HNF4G: variants seen among roughly 807,000 people sequenced by gnomAD.
HNF4G encodes hepatocyte nuclear factor 4 gamma, also known as hepatocyte nuclear factor 4-gamma.
In HNF4G, 21 loss-of-function variants were observed where a neutral mutation model predicts 50.9. That is an observed-to-expected ratio of 0.41 (90% CI 0.29 to 0.59). The LOEUF (loss-of-function observed/expected upper bound fraction) is 0.59. Among genes scored for constraint, HNF4G ranks in the 20% least tolerant of loss-of-function variants. The pLI, the probability that HNF4G is intolerant of heterozygous loss-of-function variation, is 0.26. For missense variants in HNF4G, 527 were observed against 559.4 expected, an observed-to-expected ratio of 0.94 and a Z score of 0.58; for synonymous variants, 198 against 185.6, an observed-to-expected ratio of 1.07 and a Z score of -0.54.
chr8:75,561,504 G>A (rs368720554), intron 9 of HNF4G, among the ~76,000 whole-genome samples: 4 of 152,162 alleles, frequency 2.6e-5, no homozygotes, highest in South Asian at 2.1e-4. Flanking sequence ...CACAGCCACC[G>A]TATGCAGTTT....
chr8:75,520,339 G>T, intron 2 of HNF4G, among the ~76,000 whole-genome samples: 1 of 151,832 alleles, frequency 6.6e-6, no homozygotes, highest in African/African-American at 2.4e-5. Context: ...AATATTATCT[G>T]CTCTTTTAAT....
At chr8:75,517,612 A>T (rs1416596911) in intron 2 of HNF4G, among the ~76,000 whole-genome samples, 1 of 152,212 alleles carries the variant, frequency 6.6e-6, no homozygotes, top group African/African-American at 2.4e-5. Context: ...CATGTCTCAC[A>T]TCCAGGTCAC....
intron 1 of HNF4G, among the ~76,000 whole-genome samples, chr8:75,454,603 C>T (rs1215809196): frequency 6.6e-6 from 1 of 152,180 alleles, no homozygotes; most frequent in South Asian, 2.1e-4. Context: ...TGTCAGGCTT[C>T]TACCCGCTGT....
chr8:75,454,977 A>G (rs1018798151), intron 1 of HNF4G, among the ~76,000 whole-genome samples: 3 of 152,190 alleles, frequency 2.0e-5, no homozygotes, highest in African/African-American at 7.2e-5. Flanking sequence ...ATATGTTAGC[A>G]TTTTGGAAGG....
chr8:75,505,499 G>T (rs1392037962), intron 2 of HNF4G, among the ~76,000 whole-genome samples: 1 of 151,966 alleles, frequency 6.6e-6, no homozygotes, highest in African/African-American at 2.4e-5. Context: ...CAAAAGTTTG[G>T]GACCTTAGAT....
At chr8:75,517,825 G>A (rs892576417) in intron 2 of HNF4G, among the ~76,000 whole-genome samples, 3 of 151,942 alleles carry the variant, frequency 2.0e-5, no homozygotes, top group African/African-American at 7.3e-5. Context: ...GCCCCAGTAG[G>A]GACCTTGTGT....
intron 1 of HNF4G, among the ~76,000 whole-genome samples, chr8:75,461,974 G>A: frequency 6.7e-6 from 1 of 150,210 alleles, no homozygotes; most frequent in Non-Finnish European, 1.5e-5. Context: ...CTGGAGTGCA[G>A]TGGTGCCATC....
chr8:75,527,310 T>A lies in HNF4G; in HGVS notation c.-23-16501T>A, dbSNP rs183121089. On this transcript the variant is annotated intron_variant, in intron 2 of 10. Coordinates refer to the HNF4G transcript ENST00000354370. ...TTGTTGGATGTGAGTTTAATGTTAA[T>A]CAACAATATATATTAAATCAGTGTC... Among the ~76,000 whole-genome samples, 6 of 152,288 alleles carry A rather than the reference T, an allele frequency of 3.9e-5. No individual in the cohort carries two copies. The East Asian group carries it at 9.7e-4, about 25-fold the overall frequency.
chr8:75,521,046 C>T (rs1338984403), intron 2 of HNF4G, among the ~76,000 whole-genome samples: 4 of 151,476 alleles, frequency 2.6e-5, no homozygotes, highest in Non-Finnish European at 5.9e-5. Flanking sequence ...TTACTGTTGC[C>T]CAATTCTTAA....
At chr8:75,452,848 T>C (rs1811619243) in intron 1 of HNF4G, among the ~76,000 whole-genome samples, 1 of 152,258 alleles carries the variant, frequency 6.6e-6, no homozygotes, top group Non-Finnish European at 1.5e-5. Context: ...ATGAACACTT[T>C]TATGAAGAGT....
intron 1 of HNF4G, among the ~76,000 whole-genome samples, chr8:75,458,672 C>T (rs36120753): frequency 0.05 from 7,638 of 152,170 alleles, 264 homozygotes; most frequent in Non-Finnish European, 0.072. Flanking sequence ...ATTGAATTTA[C>T]GCCTTCATGG....
Position 75,558,655 on chromosome 8 carries a change from G to C in HNF4G, c.871G>C (p.Val291Leu). 1 of 1,612,430 alleles carries C rather than the reference G, an allele frequency of 6.2e-7. No homozygotes were observed. Among genetic ancestry groups the C allele is most frequent in the Non-Finnish European group, 8.5e-7 (1 of 1,179,524 alleles). The change falls in exon 7 of 10, where the codon GTA (valine) becomes CTA (leucine). Residue 291 changes from valine to leucine, a missense_variant. By Grantham distance (32) the Val-to-Leu change is conservative (BLOSUM62 1). Around this residue, in one of 5 missense-constraint regions of HNF4G, gnomAD observed 308 missense variants for 301.5 expected, o/e 1.02. Transcript: ENST00000396423. ...TGAGTATGCTTGTTTAAAGGCAATT[G>C]TATTTTTTGATCCAGGTTGGTTTTC... ...DNEYACLKAI[V>L]FFDPDAKGLS...
chr8:75,528,428 A>T (rs529069933), intron 2 of HNF4G, among the ~76,000 whole-genome samples: 3 of 152,222 alleles, frequency 2.0e-5, no homozygotes, highest in Non-Finnish European at 4.4e-5. Context: ...GGATTTGAAC[A>T]ATTGATCTAA....
At chr8:75,412,574 G>A (rs1415012424) in intron 1 of HNF4G, among the ~76,000 whole-genome samples, 1 of 152,014 alleles carries the variant, frequency 6.6e-6, no homozygotes, top group Non-Finnish European at 1.5e-5. Context: ...TTTAATAGTA[G>A]GATATCATTT....
intron 5 of HNF4G, among the ~76,000 whole-genome samples, chr8:75,553,688 T>C (rs1297599977): frequency 3.3e-5 from 5 of 152,122 alleles, no homozygotes; most frequent in African/African-American, 1.2e-4. Context: ...AAGTTTTACC[T>C]TTCATGCTGT....
At chr8:75,466,570 CTCCTTCCTTCCTTCCTTCCTTCCT>C (rs542246055) in intron 1 of HNF4G, among the ~76,000 whole-genome samples, 53 of 64,920 alleles carry the variant, frequency 8.2e-4, no homozygotes, top group Admixed American at 1.3e-3. Flanking sequence ...TCTTTTCTCG[CTCCTTCCTTCCTTCCTTCCTTCCT>C]TCCTTCCTTC....
intron 1 of HNF4G, among the ~76,000 whole-genome samples, chr8:75,408,999 G>T (rs1810429963): frequency 6.6e-6 from 1 of 152,108 alleles, no homozygotes; most frequent in African/African-American, 2.4e-5. Context: ...AGCTGTCACC[G>T]TTTTTCCTTA....
At chr8:75,445,594 G>T (rs1387403794) in intron 1 of HNF4G, among the ~76,000 whole-genome samples, 39 of 84,702 alleles carry the variant, frequency 4.6e-4, no homozygotes, top group Non-Finnish European at 5.6e-4. Context: ...ATGATAAAGG[G>T]GATATCACCA....
At chr8:75,502,577 T>A (rs1048754319) in intron 2 of HNF4G, among the ~76,000 whole-genome samples, 1 of 152,160 alleles carries the variant, frequency 6.6e-6, no homozygotes, top group Non-Finnish European at 1.5e-5. Context: ...GTACAAATAA[T>A]TAAAGAAGCA....
Sources: allele counts gnomAD v4.1 joint callset (sites outside exome capture counted in the v4.1 genomes callset), GRCh38; gene constraint gnomAD v4.1.1; regional missense constraint gnomAD v4.1.1; transcripts MANE v1.5; gene names NCBI Gene and HGNC (gene_info 2026-07-23, HGNC 2026-07-21).